The following CDH8 variants were observed in gnomAD, a reference collection of about 807,000 sequenced individuals.
CDH8 encodes the protein cadherin-8.
Under a neutral mutation model 68.1 loss-of-function variants are expected in CDH8, and 17 were observed. The ratio of observed to expected loss-of-function variants is 0.25; its 90% CI spans 0.17 to 0.37. The LOEUF (loss-of-function observed/expected upper bound fraction) is 0.37. Among genes scored for constraint, CDH8 ranks in the 10% least tolerant of loss-of-function variants. The probability of loss-of-function intolerance (pLI) is 1.00; values close to 1 mark genes in which losing one functional copy is unlikely to be tolerated. For synonymous variants in CDH8, 372 were observed against 365.1 expected (o/e 1.02, Z -0.21); for missense variants, 763 against 999.3 (o/e 0.76, Z 3.19).
chr16:61,748,180 C>T (rs1374177375), intron 8 of CDH8, among the ~76,000 whole-genome samples: 1 of 151,742 alleles, frequency 6.6e-6, no homozygotes, highest in Non-Finnish European at 1.5e-5. Context: ...CAAACCACTA[C>T]CCTACTCCAT....
chr16:61,736,954 T>C (rs1304141331), intron 8 of CDH8, among the ~76,000 whole-genome samples: 1 of 152,154 alleles, frequency 6.6e-6, no homozygotes, highest in Non-Finnish European at 1.5e-5. Context: ...GAAAAGCCCA[T>C]ATCAATTGGT....
intron 3 of CDH8, among the ~76,000 whole-genome samples, chr16:61,861,572 C>T (rs1362667684): frequency 6.6e-6 from 1 of 152,162 alleles, no homozygotes; most frequent in Non-Finnish European, 1.5e-5. Flanking sequence ...CAAAGACAAA[C>T]AATTTTTATT....
Position 61,666,747 on chromosome 16 carries a change from C to A in CDH8, c.1655-11026G>T, listed in dbSNP as rs150599861. On this transcript the variant is annotated intron_variant, in intron 10 of 11. Transcript: ENST00000577390. Reference sequence around the variant, plus strand: ...GAAGGTCAAAACAAAGAAAAAAATGCCACTGTGTTTAGTAGGTATGGACAA... The same window carrying A: ...GAAGGTCAAAACAAAGAAAAAAATGACACTGTGTTTAGTAGGTATGGACAA... Among the ~76,000 whole-genome samples the A allele has an allele frequency of 1.7e-3, 264 of 152,050 alleles. 1 individual carries two copies. Among genetic ancestry groups the A allele is most frequent in the African/African-American group, 6.2e-3 (258 of 41,528 alleles).
At chr16:61,874,567 G>A (rs1452186823) in intron 3 of CDH8, among the ~76,000 whole-genome samples, 1 of 151,964 alleles carries the variant, frequency 6.6e-6, no homozygotes, top group African/African-American at 2.4e-5. Flanking sequence ...TCCTGACCTC[G>A]TGATCTGCCT....
At chr16:61,830,775 T>C (rs926617903) in intron 4 of CDH8, among the ~76,000 whole-genome samples, 24 of 151,840 alleles carry the variant, frequency 1.6e-4, no homozygotes, top group Non-Finnish European at 5.9e-5. Flanking sequence ...CTGAAGCAAT[T>C]AGTAAAATTC....
At chr16:61,790,209 C>T (rs1274385436) in intron 7 of CDH8, among the ~76,000 whole-genome samples, 2 of 151,992 alleles carry the variant, frequency 1.3e-5, no homozygotes, top group African/African-American at 2.4e-5. Flanking sequence ...CAAACTCGTT[C>T]AGATAAGAAA....
intron 2 of CDH8, among the ~76,000 whole-genome samples, chr16:61,983,761 G>A (rs1965577116): frequency 1.3e-5 from 2 of 152,018 alleles, no homozygotes; most frequent in African/African-American, 2.4e-5. Flanking sequence ...ACAGTTCTGG[G>A]GACTGGAAAG....
At chr16:62,010,964 CTT>C (rs1901795969) in intron 2 of CDH8, among the ~76,000 whole-genome samples, 1 of 151,234 alleles carries the variant, frequency 6.6e-6, no homozygotes, top group Non-Finnish European at 1.5e-5. Flanking sequence ...AACAAACCCT[CTT>C]TTTCTCCCCC....
At chr16:61,696,983 A>G (rs1964337860) in intron 10 of CDH8, among the ~76,000 whole-genome samples, 1 of 152,150 alleles carries the variant, frequency 6.6e-6, no homozygotes, top group Non-Finnish European at 1.5e-5. Flanking sequence ...ACTACCTCTC[A>G]GGTACCATGC....
chr16:61,877,954 T>C (rs935959240), intron 3 of CDH8, among the ~76,000 whole-genome samples: 3 of 152,106 alleles, frequency 2.0e-5, no homozygotes, highest in African/African-American at 7.2e-5. Flanking sequence ...AAATTGCACA[T>C]AAGGGAAAAC....
At chr16:61,730,997 C>G (rs143767783) in intron 8 of CDH8, among the ~76,000 whole-genome samples, 1 of 151,674 alleles carries the variant, frequency 6.6e-6, no homozygotes, top group African/African-American at 2.4e-5. Flanking sequence ...CTAAGGGATA[C>G]AGCAGGTGAG....
chr16:61,653,722 CAAGGAGCTGAGG>C lies in CDH8; in HGVS notation c.2274_2285del (p.Leu759_Leu762del). ...GGTCTGAGTCTGATGTGGTGGACTC[CAAGGAGCTGAGG>C]GAGCCAGCCACTGACCCTCGGCCTT... On this transcript the variant is annotated inframe_deletion, in exon 12 of 12. Coordinates refer to ENST00000577390, the MANE Select transcript of CDH8 (RefSeq NM_001796.5). The C allele has an allele frequency of 6.2e-7, 1 of 1,614,146 alleles. No homozygotes were observed. Among genetic ancestry groups the C allele is most frequent in the Non-Finnish European group, 8.5e-7 (1 of 1,180,020 alleles).
At chr16:61,910,464 G>A (rs1964141051) in intron 2 of CDH8, among the ~76,000 whole-genome samples, 2 of 151,890 alleles carry the variant, frequency 1.3e-5, no homozygotes, top group African/African-American at 4.8e-5. Flanking sequence ...TCTAAGACAA[G>A]CAAAGATTTA....
At chr16:61,695,651 C>A (rs1964310865) in intron 10 of CDH8, among the ~76,000 whole-genome samples, 1 of 152,142 alleles carries the variant, frequency 6.6e-6, no homozygotes, top group African/African-American at 2.4e-5. Context: ...ACTGCAAAAT[C>A]ACTCCCAGTT....
chr16:61,810,720 G>A (rs1426078684), intron 7 of CDH8, among the ~76,000 whole-genome samples: 2 of 152,080 alleles, frequency 1.3e-5, no homozygotes, highest in Non-Finnish European at 2.9e-5. Flanking sequence ...CAGAGAGCAT[G>A]TATAAAAGAC....
chr16:61,928,142 C>CTGTACTG (rs1964485318), intron 2 of CDH8, among the ~76,000 whole-genome samples: 2 of 152,178 alleles, frequency 1.3e-5, no homozygotes, highest in African/African-American at 4.8e-5. Context: ...TACTGTACCA[C>CTGTACTG]TAACAGAAAA....
At chr16:62,012,805 A>G (rs181136310) in intron 2 of CDH8, among the ~76,000 whole-genome samples, 2 of 152,036 alleles carry the variant, frequency 1.3e-5, no homozygotes, top group East Asian at 3.9e-4. Context: ...TAACTCCTCA[A>G]TTTTTTTTAA....
chr16:61,731,697 A>G (rs544207555), intron 8 of CDH8, among the ~76,000 whole-genome samples: 1 of 151,794 alleles, frequency 6.6e-6, no homozygotes, highest in African/African-American at 2.4e-5. Flanking sequence ...TATTGAAAAT[A>G]TCTAGTTTCC....
At chr16:61,829,421 C>T (rs924540347) in intron 4 of CDH8, among the ~76,000 whole-genome samples, 1 of 151,772 alleles carries the variant, frequency 6.6e-6, no homozygotes. Context: ...CCAAAATACA[C>T]GTTACAAAAC....
Sources: gnomAD v4.1 joint callset for allele counts (sites outside exome capture counted in the v4.1 genomes callset) on GRCh38, gnomAD v4.1.1 for gene constraint, MANE v1.5 for transcripts, NCBI Gene and HGNC (gene_info 2026-07-23, HGNC 2026-07-21) for gene names.